The following CSMD1 variants were observed in gnomAD, a reference collection of about 807,000 sequenced individuals.
The protein encoded by CSMD1 is CUB and Sushi multiple domains 1.
CSMD1 carries 213 observed loss-of-function variants against 417.5 expected under a neutral mutation model. The ratio of observed to expected loss-of-function variants is 0.51; its 90% CI spans 0.46 to 0.57. The LOEUF (loss-of-function observed/expected upper bound fraction) is 0.57. CSMD1 is among the 20% of genes least tolerant of loss of function. The pLI, the probability that CSMD1 is intolerant of heterozygous loss-of-function variation, is 0.00. For synonymous variants in CSMD1, 2,862 were observed against 1,736.8 expected (o/e 1.65, Z -16.11); for missense variants, 6,923 against 4,529.7 (o/e 1.53, Z -15.17).
intron 2 of CSMD1, among the ~76,000 whole-genome samples, chr8:4,570,005 C>G (rs977307732): frequency 1.3e-5 from 2 of 152,180 alleles, no homozygotes; most frequent in Non-Finnish European, 2.9e-5. Flanking sequence ...TGAGACTTTG[C>G]TGAAGTTCCT....
intron 1 of CSMD1, among the ~76,000 whole-genome samples, chr8:4,794,876 T>G (rs1797889145): frequency 6.6e-6 from 1 of 152,154 alleles, no homozygotes; most frequent in Admixed American, 6.5e-5. Context: ...TGATGATGAC[T>G]GCAGATTGCA....
chr8:4,645,923 T>C (rs1045527023), intron 1 of CSMD1, among the ~76,000 whole-genome samples: 1 of 152,180 alleles, frequency 6.6e-6, no homozygotes, highest in Non-Finnish European at 1.5e-5. Context: ...CAAGGCCATG[T>C]AACACGACTT....
chr8:3,729,740 T>C (rs2129047151), intron 6 of CSMD1, among the ~76,000 whole-genome samples: 1 of 152,098 alleles, frequency 6.6e-6, no homozygotes, highest in East Asian at 1.9e-4. Flanking sequence ...CAGAGGATTT[T>C]AAAAGCTCTC....
intron 3 of CSMD1, among the ~76,000 whole-genome samples, chr8:4,321,269 G>A (rs10108772): frequency 0.2 from 30,703 of 151,894 alleles, 3,424 homozygotes; most frequent in South Asian, 0.36. Context: ...GATCATCCTC[G>A]GTGTGTTGGT....
chr8:3,234,262 T>G (rs1278347348), intron 26 of CSMD1, among the ~76,000 whole-genome samples: 1 of 152,158 alleles, frequency 6.6e-6, no homozygotes, highest in East Asian at 1.9e-4. Flanking sequence ...AATGACACAA[T>G]TTGAAAATCC....
intron 3 of CSMD1, among the ~76,000 whole-genome samples, chr8:4,342,160 C>T (rs997888800): frequency 6.6e-6 from 1 of 151,850 alleles, no homozygotes; most frequent in African/African-American, 2.4e-5. Context: ...GTCTACCAAG[C>T]CACATTCTTA....
chr8:3,062,832 G>T (rs1288074302), intron 49 of CSMD1, among the ~76,000 whole-genome samples: 4 of 152,298 alleles, frequency 2.6e-5, no homozygotes, highest in African/African-American at 7.2e-5. Flanking sequence ...TAAATTGGCT[G>T]CTCAGCCAAA....
intron 8 of CSMD1, among the ~76,000 whole-genome samples, chr8:3,596,630 T>C (rs1044970595): frequency 5.3e-5 from 8 of 152,156 alleles, no homozygotes; most frequent in African/African-American, 9.7e-5. Context: ...TGGCAAAACT[T>C]TGCAATTTTT....
At chr8:4,620,073 A>G (rs554506321) in intron 2 of CSMD1, among the ~76,000 whole-genome samples, 1 of 152,028 alleles carries the variant, frequency 6.6e-6, no homozygotes, top group Non-Finnish European at 1.5e-5. Flanking sequence ...TTAACACAAT[A>G]AATACTGCTA....
chr8:4,796,479 G>C (rs988435972), intron 1 of CSMD1, among the ~76,000 whole-genome samples: 1 of 151,712 alleles, frequency 6.6e-6, no homozygotes, highest in Non-Finnish European at 1.5e-5. Flanking sequence ...AGAGCTTCTT[G>C]ACAGTTTTAC....
rs559263756 is a variant in CSMD1 at position 4,867,400 on chromosome 8, A to G, written c.85+126932T>C. ...ACTTAATTATTTGAAAGGTATTACTAAGATGCAGAACTTAAATACACCCCT... is the reference window on the plus strand; with the variant it reads ...ACTTAATTATTTGAAAGGTATTACTGAGATGCAGAACTTAAATACACCCCT... On this transcript the variant is annotated intron_variant, in intron 1 of 69. Transcript: ENST00000635120. 1.4e-4 allele frequency among the ~76,000 whole-genome samples: 21 copies of G among 152,220 alleles called. No individual in the cohort carries two copies. In the East Asian group the frequency reaches 3.7e-3, roughly 27 times the overall value.
chr8:3,991,701 C>A (rs922965572), intron 5 of CSMD1, among the ~76,000 whole-genome samples: 1 of 152,096 alleles, frequency 6.6e-6, no homozygotes, highest in Non-Finnish European at 1.5e-5. Context: ...GAGTGGAGTG[C>A]CGACACACTG....
intron 3 of CSMD1, among the ~76,000 whole-genome samples, chr8:4,285,451 C>T (rs1053272665): frequency 6.6e-6 from 1 of 152,080 alleles, no homozygotes; most frequent in African/African-American, 2.4e-5. Flanking sequence ...GGTATTAGTT[C>T]AGAATTATGA....
At chr8:4,644,685 A>T (rs565526420) in intron 1 of CSMD1, among the ~76,000 whole-genome samples, 1 of 152,232 alleles carries the variant, frequency 6.6e-6, no homozygotes, top group Non-Finnish European at 1.5e-5. Context: ...CTGGAATTAC[A>T]GGTGTGAGCC....
At chr8:3,995,934 G>C (rs1815179237) in intron 5 of CSMD1, among the ~76,000 whole-genome samples, 1 of 152,156 alleles carries the variant, frequency 6.6e-6, no homozygotes, top group Admixed American at 6.5e-5. Context: ...CAGTGATGTA[G>C]AAGATGTCTT....
At chr8:4,355,506 A>G (rs1461861993) in intron 3 of CSMD1, among the ~76,000 whole-genome samples, 1 of 152,216 alleles carries the variant, frequency 6.6e-6, no homozygotes, top group Admixed American at 6.5e-5. Flanking sequence ...GAAAGGGAAC[A>G]TTCAGTAGTT....
chr8:3,351,206 C>T (rs1457730035), intron 21 of CSMD1, among the ~76,000 whole-genome samples: 2 of 152,170 alleles, frequency 1.3e-5, no homozygotes, highest in Admixed American at 6.5e-5. Context: ...ATGACCAAAA[C>T]ACTTAAATGT....
At chr8:4,120,439 CCTCT>C (rs1416203083) in intron 3 of CSMD1, among the ~76,000 whole-genome samples, 1 of 152,192 alleles carries the variant, frequency 6.6e-6, no homozygotes, top group Non-Finnish European at 1.5e-5. Flanking sequence ...CCTTCCTCCT[CCTCT>C]CTGTCTCATC....
At chr8:4,589,698 T>C (rs1799889939) in intron 2 of CSMD1, among the ~76,000 whole-genome samples, 1 of 152,202 alleles carries the variant, frequency 6.6e-6, no homozygotes, top group Non-Finnish European at 1.5e-5. Context: ...TGTTGAATGG[T>C]ACAATTAGAA....
Sources: allele counts gnomAD v4.1 joint callset (sites outside exome capture counted in the v4.1 genomes callset), GRCh38; gene constraint gnomAD v4.1.1; transcripts MANE v1.5; gene names NCBI Gene and HGNC (gene_info 2026-07-23, HGNC 2026-07-21).